The following CCT7 variants were observed in gnomAD, a reference collection of about 807,000 sequenced individuals.
CCT7 encodes the protein T-complex protein 1 subunit eta.
CCT7 carries 16 observed loss-of-function variants against 56.6 expected under a neutral mutation model. The ratio of observed to expected loss-of-function variants is 0.28; its 90% CI spans 0.19 to 0.43. The LOEUF is 0.43. Ranked by LOEUF, CCT7 falls within the 20% of genes least tolerant of loss-of-function variation. CCT7 has a pLI of 1.00. For missense variants in CCT7, 519 were observed against 685.6 expected, an observed-to-expected ratio of 0.76 and a Z score of 2.71; for synonymous variants, 262 against 254.8, an observed-to-expected ratio of 1.03 and a Z score of -0.27.
chr2:73,244,597 T>C lies in CCT7; in HGVS notation c.500T>C (p.Leu167Pro). 1 of 1,613,868 alleles carries C rather than the reference T, an allele frequency of 6.2e-7. No homozygotes were observed. The highest frequency in any genetic ancestry group is 8.5e-7 in the Non-Finnish European group (1 of 1,179,794). ...GCCATGACCGCTCTGAGCTCCAAGC[T>C]GATCTCCCAGCAGAAAGCTTTCTTT... ...KCAMTALSSK[L>P]ISQQKAFFAK... Residue 167 changes from leucine (L) to proline (P), a missense_variant, in exon 6 of 12, where the codon CTG becomes CCG. Coordinates refer to ENST00000258091, the MANE Select transcript of CCT7 (RefSeq NM_006429.4).
At chr2:73,243,848 G>A (rs750134938) in intron 4 of CCT7, 149 bp from the exon 5 acceptor site, 27 of 686,822 alleles carry the variant, frequency 3.9e-5, no homozygotes, top group Non-Finnish European at 6.1e-5. Flanking sequence ...TTTCTGAGCA[G>A]TTACAAGACC....
In CCT7 at chr2:73,244,031, TGAA is replaced by T; in HGVS notation, c.433_435del (p.Lys145del). The T allele has an allele frequency of 6.2e-7, 1 of 1,613,290 alleles. No individual in the cohort carries two copies. Among genetic ancestry groups the T allele is most frequent in the Non-Finnish European group, 8.5e-7 (1 of 1,179,760 alleles). On this transcript the variant is annotated inframe_deletion, in exon 5 of 12. Transcript: ENST00000258091. ...AAGATCAAAGAGATTGCTGTGACCG[TGAA>T]GAAGGCAGATAAAGTGTAAGTCTGT...
intron 3 of CCT7, 140 bp downstream of exon 3, chr2:73,240,683 T>G (rs1380969671): frequency 8.7e-6 from 4 of 458,570 alleles, no homozygotes; most frequent in Non-Finnish European, 3.8e-6. Flanking sequence ...TATTTAGAAT[T>G]AACAGCCTTT....
chr2:73,234,332 T>C lies in CCT7; in HGVS notation c.-47T>C. The stretch of plus-strand genomic sequence containing the variant: ...CATTGTGGGTTGCTGGGCGGCCCGG[T>C]CTCGGAGAAGAGGGGAGAGTGGCGG... On this transcript the variant is annotated 5_prime_UTR_variant, in exon 1 of 12. Coordinates refer to ENST00000258091, the MANE Select transcript of CCT7 (RefSeq NM_006429.4). 1 of 1,613,260 alleles carries C rather than the reference T, an allele frequency of 6.2e-7. No individual in the cohort carries two copies. The highest frequency in any genetic ancestry group is 8.5e-7 in the Non-Finnish European group (1 of 1,179,454).
chr2:73,244,061 G>C lies in CCT7; in HGVS notation c.446+12G>C, dbSNP rs376089308. 2.7e-5 allele frequency: 42 copies of C among 1,572,224 alleles called. 1 individual carries two copies. The African/African-American group carries it at 4.7e-4, about 18-fold the overall frequency. On this transcript the variant is annotated intron_variant, in intron 5 of 11. Coordinates refer to ENST00000258091, the MANE Select transcript of CCT7 (RefSeq NM_006429.4). ...AAGGCAGATAAAGTGTAAGTCTGTA[G>C]TGGGTTTTTTTTTTTTTTTTTAAAG...
At chr2:73,243,702 G>A in intron 4 of CCT7, 1 of 348,938 alleles carries the variant, frequency 2.9e-6, no homozygotes, top group Non-Finnish European at 5.2e-6. Context: ...TCGTGTCACA[G>A]CTGTTTCCAC....
At chr2:73,236,861 A>G (rs1340567675) in intron 1 of CCT7, among the ~76,000 whole-genome samples, 3 of 152,148 alleles carry the variant, frequency 2.0e-5, no homozygotes, top group Non-Finnish European at 2.9e-5. Context: ...AGCATAGGGA[A>G]CCTGGGGAAT....
At chr2:73,244,761 AC>A in intron 6 of CCT7, 46 bp downstream of exon 6, 2 of 1,483,126 alleles carry the variant, frequency 1.3e-6, no homozygotes, top group Non-Finnish European at 1.8e-6. Context: ...TTTCATATTG[AC>A]CCTTCAGACA....
At position 73,249,911 on chromosome 2, in the gene CCT7, C is replaced by A; in HGVS notation, c.1065C>A (p.Gly355=). 1 of 1,607,760 alleles carries A rather than the reference C, an allele frequency of 6.2e-7. No individual in the cohort carries two copies. Among genetic ancestry groups the A allele is most frequent in the South Asian group, 1.1e-5 (1 of 90,970 alleles). ...TGTTTGAAGAGACCCAGATTGGAGG[C>A]GAGAGGTGAGCCGTGGGCCCAGGCC... ...CQVFEETQIG[G]ERYNFFTGCP... The change falls in exon 9 of 12, where the codon GGC becomes GGA. Residue 355 remains glycine (G), a synonymous_variant. Transcript: ENST00000258091.
intron 1 of CCT7, chr2:73,239,374 A>G: frequency 2.7e-6 from 1 of 374,536 alleles, no homozygotes; most frequent in African/African-American, 2.1e-5. Context: ...TGGGTACTGG[A>G]GAACTCATGA....
intron 6 of CCT7, among the ~76,000 whole-genome samples, chr2:73,245,515 A>T (rs1046923181): frequency 6.6e-6 from 1 of 152,210 alleles, no homozygotes; most frequent in Non-Finnish European, 1.5e-5. Context: ...TTTCCATTTA[A>T]ATGGCAACAT....
At position 73,239,668 on chromosome 2, in the gene CCT7, A is replaced by G. The variant is rs1558562660; in HGVS notation, c.32A>G (p.Glu11Gly). The change falls in exon 2 of 12, where the codon GAG (glutamate) becomes GGG (glycine). Residue 11 changes from glutamate to glycine, a missense_variant. Transcript: ENST00000258091. ...CCCACACCAGTTATCCTATTGAAAG[A>G]GGGGACTGATAGCTCCCAAGGCATC... The part of the protein sequence containing the change: MMPTPVILLK[E>G]GTDSSQGIPQ... 6.2e-7 allele frequency: 1 copy of G among 1,613,916 alleles called. No homozygotes were observed. The highest frequency in any genetic ancestry group is 1.7e-5 in the Admixed American group (1 of 60,020).
chr2:73,234,858 A>G (rs1438441979), intron 1 of CCT7, among the ~76,000 whole-genome samples: 5 of 152,150 alleles, frequency 3.3e-5, no homozygotes, highest in East Asian at 1.9e-4. Context: ...GGGACTCACT[A>G]TGTTCACTCG....
At chr2:73,239,565 G>A in intron 1 of CCT7, 78 bp from the exon 2 acceptor site, 1 of 1,317,034 alleles carries the variant, frequency 7.6e-7, no homozygotes, top group Non-Finnish European at 1.1e-6. Context: ...GGGAGAGATG[G>A]GAGCATTTTC....
At chr2:73,252,072 G>A (rs1360458823) in intron 11 of CCT7, among the ~76,000 whole-genome samples, 3 of 152,034 alleles carry the variant, frequency 2.0e-5, no homozygotes, top group Non-Finnish European at 2.9e-5. Context: ...CCCTACAAGT[G>A]TGACCCTGGG....
At chr2:73,247,104 G>T (rs1687372207) in intron 6 of CCT7, among the ~76,000 whole-genome samples, 3 of 152,180 alleles carry the variant, frequency 2.0e-5, no homozygotes. Context: ...CCACAGAGAA[G>T]CTCTGTTGCA....
chr2:73,239,866 A>G (rs548657636), intron 2 of CCT7, 70 bp downstream of exon 2: 3 of 1,342,510 alleles, frequency 2.2e-6, no homozygotes, highest in East Asian at 2.3e-5. Context: ...TGGGACTAGC[A>G]TAGGTTGGTA....
chr2:73,250,601 C>T (rs891001265), intron 10 of CCT7, among the ~76,000 whole-genome samples, 163 bp downstream of exon 10: 3 of 151,910 alleles, frequency 2.0e-5, no homozygotes, highest in African/African-American at 7.3e-5. Flanking sequence ...GAAACTGAGC[C>T]TCAGTTTCTC....
At chr2:73,250,254 A>G in intron 9 of CCT7, 52 bp from the exon 10 acceptor site, 1 of 1,607,864 alleles carries the variant, frequency 6.2e-7, no homozygotes, top group Non-Finnish European at 8.5e-7. Flanking sequence ...ACAATACAGT[A>G]GGATGGTGGC....
Sources: allele counts gnomAD v4.1 joint callset (sites outside exome capture counted in the v4.1 genomes callset), GRCh38; gene constraint gnomAD v4.1.1; transcripts MANE v1.5; gene names NCBI Gene and HGNC (gene_info 2026-07-23, HGNC 2026-07-21).